SYNE1: variants seen among roughly 807,000 people sequenced by gnomAD.
SYNE1 encodes the protein spectrin repeat containing nuclear envelope protein 1.
SYNE1 carries 616 observed loss-of-function variants against 1,111.0 expected under a neutral mutation model. The ratio of observed to expected loss-of-function variants is 0.55; its 90% CI spans 0.52 to 0.59. SYNE1 has a LOEUF of 0.59. Among genes scored for constraint, SYNE1 ranks in the 20% least tolerant of loss-of-function variants. SYNE1 has a pLI of 0.00. For synonymous variants in SYNE1, 3,855 were observed against 3,825.8 expected (o/e 1.01, Z -0.28); for missense variants, 10,006 against 10,417.0 (o/e 0.96, Z 1.72).
rs2097770139 is a variant in SYNE1 at position 152,398,621 on chromosome 6, G to T, written c.7348C>A (p.Gln2450Lys). The change falls in exon 49 of 146, where the codon CAG becomes AAG. Residue 2450 changes from glutamine to lysine, a missense_variant and splice_region_variant. Transcript: ENST00000367255. Reference protein sequence around the residue: ...KVLEAKLHDLQNILDSVSDGQ... With the variant: ...KVLEAKLHDLKNILDSVSDGQ... ...GAAAAGGATGTCAGCTTCTATACCTGAAGATCATGGAGCTTTGCTTCTAGA... is the reference window on the plus strand; with the variant it reads ...GAAAAGGATGTCAGCTTCTATACCTTAAGATCATGGAGCTTTGCTTCTAGA... The T allele has an allele frequency of 6.2e-7, 1 of 1,613,162 alleles. No homozygotes were observed.
At chr6:152,421,991 C>T (rs1418054600) in intron 39 of SYNE1, among the ~76,000 whole-genome samples, 7 of 152,160 alleles carry the variant, frequency 4.6e-5, no homozygotes, top group African/African-American at 1.7e-4. Context: ...CAGGTGTGAG[C>T]CACCATGCTC....
intron 39 of SYNE1, among the ~76,000 whole-genome samples, chr6:152,423,433 C>T (rs917739776): frequency 1.3e-5 from 2 of 152,180 alleles, no homozygotes; most frequent in Non-Finnish European, 2.9e-5. Flanking sequence ...ATAATCCCCC[C>T]ACTCCTCCCT....
At chr6:152,464,442 C>G (rs1036913099) in intron 18 of SYNE1, among the ~76,000 whole-genome samples, 1 of 152,094 alleles carries the variant, frequency 6.6e-6, no homozygotes, top group Non-Finnish European at 1.5e-5. Flanking sequence ...TCAGAAAAGC[C>G]AAAATCTGTA....
chr6:152,232,390 T>C (rs1588344346), intron 112 of SYNE1, 125 bp from the exon 113 acceptor site: 1 of 1,044,256 alleles, frequency 9.6e-7, no homozygotes, highest in East Asian at 2.4e-5. Context: ...TTAATGACAT[T>C]TGGAGATCTT....
intron 104 of SYNE1, among the ~76,000 whole-genome samples, chr6:152,253,097 G>A (rs964634334): frequency 6.6e-6 from 1 of 152,142 alleles, no homozygotes; most frequent in Non-Finnish European, 1.5e-5. Flanking sequence ...CTGACTCAGG[G>A]ACAAGACTGA....
intron 14 of SYNE1, chr6:152,481,519 A>G: frequency 2.2e-6 from 1 of 452,232 alleles, no homozygotes. Context: ...ATACTCATGT[A>G]AGAAACATGC....
At chr6:152,188,294 C>T (rs768417795) in intron 128 of SYNE1, among the ~76,000 whole-genome samples, 1 of 152,138 alleles carries the variant, frequency 6.6e-6, no homozygotes, top group African/African-American at 2.4e-5. Context: ...AACCTCAAGG[C>T]ATTTGGGTCT....
In SYNE1 at chr6:152,300,841, C is replaced by T. The variant is rs1589591590; in HGVS notation, c.17542-60G>A. The T allele has an allele frequency of 2.5e-6, 4 of 1,612,942 alleles. No individual in the cohort carries two copies. In the East Asian group the frequency reaches 8.9e-5, roughly 36 times the overall value. On this transcript the variant is annotated intron_variant, in intron 92 of 145. Coordinates refer to ENST00000367255, the MANE Select transcript of SYNE1 (RefSeq NM_182961.4). ...ATCAATTAGCTATGTTAACATAAGT[C>T]CTGTTCAGGCACAGGCCAAAACAGA...
At chr6:152,605,006 A>AAGAAAGAAAGAG (rs1565139805) in intron 3 of SYNE1, among the ~76,000 whole-genome samples, 22 of 25,578 alleles carry the variant, frequency 8.6e-4, no homozygotes, top group Non-Finnish European at 1.3e-3. Flanking sequence ...GAAAGAAAGA[A>AAGAAAGAAAGAG]AGAGAGAGAG....
At chr6:152,619,201 G>T (rs971510908) in intron 3 of SYNE1, among the ~76,000 whole-genome samples, 3 of 152,162 alleles carry the variant, frequency 2.0e-5, no homozygotes, top group African/African-American at 7.2e-5. Context: ...CTGAAAGTCT[G>T]GTTCCCCCCT....
At chr6:152,492,342 C>T (rs955336801) in intron 11 of SYNE1, among the ~76,000 whole-genome samples, 18 of 152,204 alleles carry the variant, frequency 1.2e-4, no homozygotes, top group Non-Finnish European at 8.8e-5. Flanking sequence ...GTCAGCCAAG[C>T]GGCAACTTAT....
At chr6:152,619,175 G>A (rs1251306479) in intron 3 of SYNE1, among the ~76,000 whole-genome samples, 1 of 152,240 alleles carries the variant, frequency 6.6e-6, no homozygotes, top group East Asian at 1.9e-4. Context: ...ATATATGAGG[G>A]ATTTGTCACA....
chr6:152,341,934 T>C (rs1212295968), intron 74 of SYNE1, among the ~76,000 whole-genome samples: 6 of 152,006 alleles, frequency 3.9e-5, no homozygotes, highest in Admixed American at 6.6e-5. Context: ...TGAGGACTTA[T>C]TGCACTTGCC....
At chr6:152,361,057 T>C (rs974174891) in intron 64 of SYNE1, among the ~76,000 whole-genome samples, 2 of 152,150 alleles carry the variant, frequency 1.3e-5, no homozygotes, top group Non-Finnish European at 2.9e-5. Context: ...TGGTGTAGCA[T>C]AGCTAAAATG....
At chr6:152,569,686 C>A (rs78716744) in intron 3 of SYNE1, among the ~76,000 whole-genome samples, 4,031 of 152,096 alleles carry the variant, frequency 0.027, 173 homozygotes, top group African/African-American at 0.091. Flanking sequence ...AAGCTGCATC[C>A]AAAATACTCT....
In SYNE1 at chr6:152,427,774, C is replaced by T; in HGVS notation, c.5019G>A (p.Arg1673=). The change falls in exon 38 of 146, where the codon CGG becomes CGA. Residue 1673 remains arginine, a synonymous_variant. Transcript: ENST00000367255. ...CTGGGGAACTGGCTTTAGCTTCACC[C>T]CGCTCTAACCAGGTCAAAAAGGATG... is the stretch of plus-strand genomic sequence containing the variant. ...ELSSFLTWLE[R]GEAKASSPEM... 3 of 1,614,122 alleles carry T rather than the reference C, an allele frequency of 1.9e-6. No individual in the cohort carries two copies. Among genetic ancestry groups the T allele is most frequent in the Non-Finnish European group, 2.5e-6 (3 of 1,180,028 alleles).
intron 56 of SYNE1, among the ~76,000 whole-genome samples, chr6:152,378,558 T>G (rs759021411): frequency 6.6e-6 from 1 of 152,196 alleles, no homozygotes; most frequent in Non-Finnish European, 1.5e-5. Flanking sequence ...TACATATTCA[T>G]TATTTCTTTT....
At position 152,327,478 on chromosome 6, in the gene SYNE1, A is replaced by AGAC. The variant is rs2096105953; in HGVS notation, c.14956-846_14956-845insGTC. Among the ~76,000 whole-genome samples the AGAC allele has an allele frequency of 3.3e-5, 5 of 152,330 alleles. No individual in the cohort carries two copies. In the South Asian group the frequency reaches 1.0e-3, roughly 32 times the overall value. On this transcript the variant is annotated intron_variant, in intron 78 of 145. Coordinates refer to ENST00000367255, the MANE Select transcript of SYNE1 (RefSeq NM_182961.4). ...TAAGTCTGGATGGCTGGTCCATTCAATTCCAGAAGGAAAAGAAACACTCTA... is the reference window on the plus strand; with the variant it reads ...TAAGTCTGGATGGCTGGTCCATTCAAGACTTCCAGAAGGAAAAGAAACACTCTA...
At chr6:152,289,624 T>C (rs1288778488) in intron 95 of SYNE1, among the ~76,000 whole-genome samples, 1 of 152,002 alleles carries the variant, frequency 6.6e-6, no homozygotes, top group Non-Finnish European at 1.5e-5. Context: ...CCTATTTTAT[T>C]TATTTATTTA....
Sources: allele counts gnomAD v4.1 joint callset (sites outside exome capture counted in the v4.1 genomes callset), GRCh38; gene constraint gnomAD v4.1.1; transcripts MANE v1.5; gene names NCBI Gene and HGNC (gene_info 2026-07-23, HGNC 2026-07-21).